The following FRYL variants were observed in gnomAD, a reference collection of about 807,000 sequenced individuals.
FRYL encodes FRY like transcription coactivator.
Under a neutral mutation model 351.2 loss-of-function variants are expected in FRYL, and 150 were observed. The observed-to-expected ratio is 0.43, with a 90% CI of 0.37 to 0.49. The LOEUF (loss-of-function observed/expected upper bound fraction) is 0.49. Ranked by LOEUF, FRYL falls within the 20% of genes least tolerant of loss-of-function variation. The pLI is 0.00. For synonymous variants in FRYL, 1,153 were observed against 1,257.1 expected (o/e 0.92, Z 1.75); for missense variants, 3,036 against 3,619.3 (o/e 0.84, Z 4.13).
chr4:48,595,767 T>A, intron 14 of FRYL, 69 bp from the exon 15 acceptor site: 2 of 1,149,030 alleles, frequency 1.7e-6, no homozygotes, highest in Admixed American at 4.3e-5. Context: ...AAATTCTTCC[T>A]ATTCTTCATA....
intron 29 of FRYL, 67 bp from the exon 30 acceptor site, chr4:48,565,110 G>A: frequency 3.5e-6 from 3 of 850,076 alleles, no homozygotes; most frequent in Non-Finnish European, 5.6e-6. Flanking sequence ...TGCTTAATGA[G>A]AAGAGGCAAA....
intron 3 of FRYL, chr4:48,681,028 T>G (rs1578705283): frequency 7.8e-7 from 1 of 1,285,584 alleles, no homozygotes; most frequent in African/African-American, 1.5e-5. Context: ...GCTAAGACGT[T>G]TCATCTTAAC....
rs1407700952 is a variant in FRYL at position 48,546,257 on chromosome 4, A to C, written c.5089T>G (p.Phe1697Val). 4 of 1,613,120 alleles carry C rather than the reference A, an allele frequency of 2.5e-6. No individual in the cohort carries two copies. Among genetic ancestry groups the C allele is most frequent in the African/African-American group, 1.3e-5 (1 of 74,892 alleles). ...GGGGAGGGCTGGTAATCAGGTATAAAATCGTTAATGCCTGCTGAAAGAGAA... is the reference window on the plus strand; with the variant it reads ...GGGGAGGGCTGGTAATCAGGTATAACATCGTTAATGCCTGCTGAAAGAGAA... ...DYNFTAGIND[F>V]IPDYQPSPMT... The change falls in exon 42 of 64, where the codon TTT becomes GTT. Residue 1697 changes from phenylalanine to valine, a missense_variant. Around this residue, in one of 7 missense-constraint regions of FRYL, gnomAD observed 1,987 missense variants for 2,311.7 expected, o/e 0.86. Coordinates refer to ENST00000358350, the MANE Select transcript of FRYL (RefSeq NM_015030.2).
At chr4:48,626,561 G>T (rs1751868285) in intron 4 of FRYL, among the ~76,000 whole-genome samples, 1 of 151,866 alleles carries the variant, frequency 6.6e-6, no homozygotes, top group Non-Finnish European at 1.5e-5. Context: ...TGCCTTGCTG[G>T]CTGCCCCTAA....
intron 2 of FRYL, among the ~76,000 whole-genome samples, chr4:48,704,733 G>A (rs528608748): frequency 1.1e-4 from 16 of 152,188 alleles, no homozygotes; most frequent in African/African-American, 3.6e-4. Context: ...CGGATCACCT[G>A]AGATCAGGAG....
intron 2 of FRYL, among the ~76,000 whole-genome samples, chr4:48,685,896 G>A (rs1377911659): frequency 6.6e-6 from 1 of 152,066 alleles, no homozygotes; most frequent in Non-Finnish European, 1.5e-5. Flanking sequence ...TAGGATTACA[G>A]GTATCCGCCA....
intron 4 of FRYL, among the ~76,000 whole-genome samples, chr4:48,628,187 C>T (rs1467072236): frequency 6.6e-6 from 1 of 152,094 alleles, no homozygotes; most frequent in Non-Finnish European, 1.5e-5. Context: ...TAAATGAATG[C>T]AAAGATGTGT....
At chr4:48,693,304 C>G (rs1238052295) in intron 2 of FRYL, among the ~76,000 whole-genome samples, 1 of 152,110 alleles carries the variant, frequency 6.6e-6, no homozygotes, top group Non-Finnish European at 1.5e-5. Context: ...TCTTCTTTAT[C>G]TATCTAAAAA....
intron 56 of FRYL, 95 bp downstream of exon 56, chr4:48,514,933 T>A: frequency 9.5e-7 from 1 of 1,054,500 alleles, no homozygotes; most frequent in Non-Finnish European, 1.4e-6. Flanking sequence ...CACAAAGAAA[T>A]GAAAGTAAGT....
chr4:48,616,032 G>A (rs1578366438), intron 7 of FRYL, among the ~76,000 whole-genome samples: 1 of 152,066 alleles, frequency 6.6e-6, no homozygotes. Flanking sequence ...CATGGACACA[G>A]GGAGGGGAAG....
At chr4:48,769,602 T>A (rs1486795572) in intron 1 of FRYL, among the ~76,000 whole-genome samples, 1 of 152,156 alleles carries the variant, frequency 6.6e-6, no homozygotes, top group Non-Finnish European at 1.5e-5. Context: ...CCCAGAGAAA[T>A]GAAAACCTAA....
intron 7 of FRYL, 27 bp downstream of exon 7, chr4:48,619,247 A>G (rs756136166): frequency 1.6e-5 from 23 of 1,403,988 alleles, no homozygotes; most frequent in Non-Finnish European, 2.3e-5. Flanking sequence ...TAAGGAATAC[A>G]GACTTTGCAG....
chr4:48,551,371 A>T (rs1732711614), intron 37 of FRYL, 123 bp downstream of exon 37: 2 of 560,652 alleles, frequency 3.6e-6, no homozygotes, highest in Admixed American at 3.6e-5. Context: ...ATGGAAATAT[A>T]TTTTTTTCAC....
In FRYL at chr4:48,717,852, A is replaced by G. The variant is rs2149603971; in HGVS notation, c.-383-7154T>C. 2.6e-5 allele frequency among the ~76,000 whole-genome samples: 4 copies of G among 151,612 alleles called. 1 individual carries two copies. In the South Asian group the frequency reaches 8.4e-4, roughly 32 times the overall value. On this transcript the variant is annotated intron_variant, in intron 1 of 63. Transcript: ENST00000358350. Reference sequence around the variant, plus strand: ...TATCACGCATGGCCTTAAGTTGTACATTTTCAATTGGTGACTTGCACGGCA... The same window carrying G: ...TATCACGCATGGCCTTAAGTTGTACGTTTTCAATTGGTGACTTGCACGGCA...
At chr4:48,722,970 C>T (rs568854733) in intron 1 of FRYL, among the ~76,000 whole-genome samples, 32 of 152,290 alleles carry the variant, frequency 2.1e-4, no homozygotes, top group African/African-American at 7.7e-4. Context: ...CTGAGAATAT[C>T]AGTTTCACGG....
intron 1 of FRYL, among the ~76,000 whole-genome samples, chr4:48,757,431 T>C (rs1299057891): frequency 6.6e-6 from 1 of 152,088 alleles, no homozygotes; most frequent in Non-Finnish European, 1.5e-5. Flanking sequence ...TCACAAGCAT[T>C]CCTATACACC....
chr4:48,583,826 A>T (rs1321507748), intron 19 of FRYL, among the ~76,000 whole-genome samples: 4 of 150,974 alleles, frequency 2.6e-5, no homozygotes. Flanking sequence ...AATTGCTTGA[A>T]CCCGGGAGGC....
At chr4:48,622,774 A>T (rs1435988290) in intron 5 of FRYL, among the ~76,000 whole-genome samples, 2 of 152,188 alleles carry the variant, frequency 1.3e-5, no homozygotes, top group African/African-American at 4.8e-5. Flanking sequence ...TTCTACATGC[A>T]GATTGAGAGC....
chr4:48,499,767 C>T, intron 63 of FRYL, 87 bp from the exon 64 acceptor site: 1 of 1,219,372 alleles, frequency 8.2e-7, no homozygotes, highest in Non-Finnish European at 1.2e-6. Flanking sequence ...GTAACAACAA[C>T]ATTTCCTTGT....
Sources: allele counts gnomAD v4.1 joint callset (sites outside exome capture counted in the v4.1 genomes callset), GRCh38; gene constraint gnomAD v4.1.1; regional missense constraint gnomAD v4.1.1; transcripts MANE v1.5; gene names NCBI Gene and HGNC (gene_info 2026-07-23, HGNC 2026-07-21).